Variants in TDRD7 observed in about 807,000 individuals in gnomAD.
TDRD7 encodes tudor domain containing 7.
A neutral mutation model predicts 109.8 loss-of-function variants in TDRD7; 47 were observed. That is an observed-to-expected ratio of 0.43 (90% CI 0.34 to 0.55). TDRD7 has a LOEUF of 0.55. Among genes scored for constraint, TDRD7 ranks in the 20% least tolerant of loss-of-function variants. The pLI is 0.03. For missense variants in TDRD7, 1,164 were observed against 1,319.2 expected (o/e 0.88, Z 1.82); for synonymous variants, 424 against 457.3 (o/e 0.93, Z 0.93).
intron 9 of TDRD7, among the ~76,000 whole-genome samples, chr9:97,471,163 AAG>A (rs1828904654): frequency 6.6e-6 from 1 of 152,106 alleles, no homozygotes; most frequent in Admixed American, 6.5e-5. Context: ...CTTCCTCCTA[AAG>A]GAAACAGAGG....
At chr9:97,492,428 C>A (rs536179166) in intron 16 of TDRD7, among the ~76,000 whole-genome samples, 20 of 152,326 alleles carry the variant, frequency 1.3e-4, no homozygotes, top group African/African-American at 4.8e-4. Flanking sequence ...TGCCTTTCTT[C>A]ACTGTATACT....
In TDRD7 at chr9:97,460,166, T is replaced by G. The variant is rs775088738; in HGVS notation, c.856-12T>G. 7 of 1,612,588 alleles carry G rather than the reference T, an allele frequency of 4.3e-6. No individual in the cohort carries two copies. In the East Asian group the frequency reaches 1.6e-4, roughly 36 times the overall value. ...TGAAATATCTGTCATTTGCTTTATT[T>G]AAAAATTTCAGGTGGAGAAACCTTG... On this transcript the variant is annotated splice_polypyrimidine_tract_variant and intron_variant, in intron 6 of 16. Coordinates refer to ENST00000355295, the MANE Select transcript of TDRD7 (RefSeq NM_014290.3).
chr9:97,475,535 GTT>G lies in TDRD7; in HGVS notation c.2166+72_2166+73del. 3.4e-6 allele frequency: 4 copies of G among 1,162,914 alleles called. No individual in the cohort carries two copies. The South Asian group carries it at 5.2e-5, about 15-fold the overall frequency. The allele number at this position is 1,162,914 out of a possible 1,614,324, so 72.0% of individuals were successfully genotyped here. ...TGAAATATTTCAAATATACACATAG[GTT>G]TTTTTAAAAAATTGAATAAATACTC... On this transcript the variant is annotated intron_variant, in intron 12 of 16. Coordinates refer to ENST00000355295, the MANE Select transcript of TDRD7 (RefSeq NM_014290.3).
chr9:97,427,483 A>G (rs549871382), intron 1 of TDRD7, among the ~76,000 whole-genome samples: 14 of 152,326 alleles, frequency 9.2e-5, no homozygotes, highest in African/African-American at 2.4e-4. Flanking sequence ...AGTACCCCAT[A>G]TAAGTCAAAG....
intron 4 of TDRD7, among the ~76,000 whole-genome samples, chr9:97,433,761 C>T (rs775465507): frequency 3.3e-5 from 5 of 152,056 alleles, no homozygotes; most frequent in Admixed American, 6.6e-5. Context: ...TGGAAAAATG[C>T]TCAACATCAC....
Position 97,482,997 on chromosome 9 carries a change from C to G in TDRD7, c.2561C>G (p.Ser854Cys). 6.2e-7 allele frequency: 1 copy of G among 1,614,152 alleles called. No homozygotes were observed. The highest frequency in any genetic ancestry group is 8.5e-7 in the Non-Finnish European group (1 of 1,180,030). ...AAGGATGTGTTTTTGAGTGCCATATCCAGTGGAGCTGACTCTCCCAACAGC... is the reference window on the plus strand; with the variant it reads ...AAGGATGTGTTTTTGAGTGCCATATGCAGTGGAGCTGACTCTCCCAACAGC... ...HQKDVFLSAI[S>C]SGADSPNSKN... Residue 854 changes from serine (S) to cysteine (C), a missense_variant, in exon 15 of 17, where the codon TCC becomes TGC. Coordinates refer to ENST00000355295, the MANE Select transcript of TDRD7 (RefSeq NM_014290.3).
intron 16 of TDRD7, among the ~76,000 whole-genome samples, chr9:97,490,916 T>C (rs1474105724): frequency 6.6e-5 from 9 of 135,442 alleles, no homozygotes; most frequent in South Asian, 2.5e-4. Context: ...TTTCTTTTTT[T>C]TTTTTTTTTT....
At chr9:97,449,254 C>T (rs904499070) in intron 6 of TDRD7, among the ~76,000 whole-genome samples, 23 of 152,162 alleles carry the variant, frequency 1.5e-4, no homozygotes, top group Non-Finnish European at 2.9e-5. Flanking sequence ...AGAAACCAAG[C>T]AGCGGACACC....
rs371647655 is a variant in TDRD7, at chr9:97,436,189, C to CT, written c.564-3055dup. Among the ~76,000 whole-genome samples the CT allele has an allele frequency of 4.7e-4, 72 of 152,190 alleles. 1 individual carries two copies. In the Middle Eastern group the frequency reaches 0.024, roughly 50 times the overall value. ...ACTAAGGCTCCTATTAAATTGTTCT[C>CT]TAAACAGATTATAATAATTTGTTTT... On this transcript the variant is annotated intron_variant, in intron 4 of 16. Transcript: ENST00000355295.
chr9:97,442,285 G>A (rs1828320245), intron 6 of TDRD7, among the ~76,000 whole-genome samples: 1 of 151,946 alleles, frequency 6.6e-6, no homozygotes. Flanking sequence ...AAGACTTGTA[G>A]CTGAGCAAAT....
chr9:97,454,581 T>C (rs570281255), intron 6 of TDRD7, among the ~76,000 whole-genome samples: 31 of 152,360 alleles, frequency 2.0e-4, no homozygotes, highest in African/African-American at 7.2e-4. Context: ...TGCTCCTGAA[T>C]GACTCCTGGG....
At chr9:97,439,948 A>G (rs1290060368) in intron 5 of TDRD7, among the ~76,000 whole-genome samples, 2 of 152,134 alleles carry the variant, frequency 1.3e-5, no homozygotes, top group East Asian at 1.9e-4. Flanking sequence ...CCACCCAGGG[A>G]GACAGTGTTT....
Position 97,439,246 on chromosome 9 carries a change from T to C in TDRD7, c.565T>C (p.Phe189Leu). The change falls in exon 5 of 17, where the codon TTT (phenylalanine) becomes CTT (leucine). Residue 189 changes from phenylalanine to leucine, a missense_variant and splice_region_variant. Transcript: ENST00000355295. ...CTTTTTTTTTTTTTAATATCTTAGG[T>C]TTAGCCCAAAGGCGTCCCTTCAACC... ...RHVTMSTNNR[F>L]SPKASLQPPL... 1 of 1,597,582 alleles carries C rather than the reference T, an allele frequency of 6.3e-7. No individual in the cohort carries two copies.
intron 1 of TDRD7, among the ~76,000 whole-genome samples, chr9:97,424,001 C>T (rs932066800): frequency 6.8e-6 from 1 of 147,672 alleles, no homozygotes; most frequent in Non-Finnish European, 1.5e-5. Context: ...AGTGTTCTGT[C>T]AATATCATTA....
In TDRD7 at chr9:97,460,447, G is replaced by A. The variant is rs1587878888; in HGVS notation, c.1125G>A (p.Glu375=). 1 of 1,614,220 alleles carries A rather than the reference G, an allele frequency of 6.2e-7. No individual in the cohort carries two copies. Residue 375 remains glutamate (E), a synonymous_variant, in exon 7 of 17, where the codon GAG becomes GAA. Coordinates refer to ENST00000355295, the MANE Select transcript of TDRD7 (RefSeq NM_014290.3). The part of the protein sequence containing the change: ...FEEMYKVKFP[E]DALKNLASLS... ...AAATGTACAAAGTGAAATTCCCTGA[G>A]GATGCCTTAAAAAATCTTGCCTCAC...
At chr9:97,418,519 T>G (rs1424458363) in intron 1 of TDRD7, among the ~76,000 whole-genome samples, 1 of 151,816 alleles carries the variant, frequency 6.6e-6, no homozygotes, top group Non-Finnish European at 1.5e-5. Flanking sequence ...AGAGGAAGAC[T>G]CTACCTGAAT....
At chr9:97,426,890 T>G (rs900433993) in intron 1 of TDRD7, among the ~76,000 whole-genome samples, 5 of 152,196 alleles carry the variant, frequency 3.3e-5, no homozygotes, top group African/African-American at 1.2e-4. Context: ...TCATTCTTCT[T>G]TTGTGTTTTC....
At chr9:97,434,430 A>G (rs573123273) in intron 4 of TDRD7, among the ~76,000 whole-genome samples, 8 of 152,300 alleles carry the variant, frequency 5.3e-5, no homozygotes, top group African/African-American at 1.7e-4. Context: ...GTTGTATTTC[A>G]TGGTGACTAT....
At chr9:97,424,700 G>C (rs992469504) in intron 1 of TDRD7, among the ~76,000 whole-genome samples, 2 of 151,934 alleles carry the variant, frequency 1.3e-5, no homozygotes, top group African/African-American at 2.4e-5. Context: ...TCTTGAAGGT[G>C]GTATATAAGT....
Sources: gnomAD v4.1 joint callset for allele counts (sites outside exome capture counted in the v4.1 genomes callset) on GRCh38, gnomAD v4.1.1 for gene constraint, MANE v1.5 for transcripts, NCBI Gene and HGNC (gene_info 2026-07-23, HGNC 2026-07-21) for gene names.